Variants in ITGA4 observed in about 807,000 individuals in gnomAD.
ITGA4 encodes the protein integrin subunit alpha 4, also known as integrin alpha-4.
Under a neutral mutation model 133.6 loss-of-function variants are expected in ITGA4, and 63 were observed. The ratio of observed to expected loss-of-function variants is 0.47; its 90% confidence interval spans 0.38 to 0.58. The LOEUF (loss-of-function observed/expected upper bound fraction) is 0.58, where lower values mean the gene tolerates loss of function less well. ITGA4 is among the 20% of genes least tolerant of loss of function. The pLI, the probability that ITGA4 is intolerant of heterozygous loss-of-function variation, is 0.00. For synonymous variants in ITGA4, 483 were observed against 438.0 expected (o/e 1.10, Z -1.28); for missense variants, 1,076 against 1,252.7 (o/e 0.86, Z 2.13).
chr2:181,506,191 T>C (rs1004500201), intron 15 of ITGA4, among the ~76,000 whole-genome samples: 4 of 152,138 alleles, frequency 2.6e-5, no homozygotes, highest in African/African-American at 9.6e-5. Context: ...ATGTTGATGG[T>C]TGGCAGTAGT....
chr2:181,464,499 T>C (rs1305957804), intron 2 of ITGA4, among the ~76,000 whole-genome samples: 1 of 152,070 alleles, frequency 6.6e-6, no homozygotes, highest in Non-Finnish European at 1.5e-5. Context: ...GACAATTAAT[T>C]ATGAGATAAT....
chr2:181,459,650 A>G (rs1187223583), intron 2 of ITGA4, among the ~76,000 whole-genome samples: 1 of 152,226 alleles, frequency 6.6e-6, no homozygotes, highest in East Asian at 1.9e-4. Flanking sequence ...AGGAATGCAT[A>G]AAACATTCAC....
At chr2:181,459,299 G>A (rs1223270867) in intron 2 of ITGA4, 2 of 116,130 alleles carry the variant, frequency 1.7e-5, no homozygotes, top group Non-Finnish European at 3.7e-5. Context: ...TATCTTCAAT[G>A]CAAATAAAAT....
At chr2:181,468,874 G>A (rs1250209231) in intron 2 of ITGA4, among the ~76,000 whole-genome samples, 2 of 152,134 alleles carry the variant, frequency 1.3e-5, no homozygotes, top group South Asian at 2.1e-4. Context: ...TTCAACTGTG[G>A]AAAGAATTAG....
At chr2:181,484,165 C>T (rs140516972) in intron 9 of ITGA4, among the ~76,000 whole-genome samples, 33 of 152,172 alleles carry the variant, frequency 2.2e-4, no homozygotes, top group African/African-American at 7.5e-4. Context: ...GTATAGATGC[C>T]TTGTGGAGAG....
At chr2:181,466,781 T>C (rs1574376456) in intron 2 of ITGA4, among the ~76,000 whole-genome samples, 1 of 152,148 alleles carries the variant, frequency 6.6e-6, no homozygotes, top group Non-Finnish European at 1.5e-5. Context: ...GCCATTTTAA[T>C]TAAAAAGCTA....
intron 2 of ITGA4, among the ~76,000 whole-genome samples, chr2:181,463,952 C>CT (rs1685350953): frequency 6.6e-6 from 1 of 152,082 alleles, no homozygotes; most frequent in South Asian, 2.1e-4. Flanking sequence ...TCATGCAGAG[C>CT]TTTTAACAGT....
intron 4 of ITGA4, chr2:181,475,784 T>C (rs1232214434): frequency 6.3e-7 from 1 of 1,578,422 alleles, no homozygotes; most frequent in East Asian, 2.3e-5. Context: ...TGTCTTGAGT[T>C]TGAAACATTT....
At chr2:181,507,310 T>G (rs1219577690) in intron 15 of ITGA4, among the ~76,000 whole-genome samples, 1 of 152,130 alleles carries the variant, frequency 6.6e-6, no homozygotes, top group Non-Finnish European at 1.5e-5. Flanking sequence ...TAAATCTTAT[T>G]TTATAGATTT....
At chr2:181,494,865 T>G in intron 12 of ITGA4, 53 bp downstream of exon 12, 1 of 917,232 alleles carries the variant, frequency 1.1e-6, no homozygotes, top group Non-Finnish European at 1.8e-6. Context: ...CTATCATAGA[T>G]ACTGCTTTAT....
At position 181,515,494 on chromosome 2, in the gene ITGA4, A is replaced by G. The variant is rs553415892; in HGVS notation, c.1922+3719A>G. 4.3e-4 allele frequency among the ~76,000 whole-genome samples: 65 copies of G among 152,224 alleles called. 1 individual carries two copies. The highest frequency in any genetic ancestry group is 1.2e-3 in the African/African-American group (50 of 41,554). On this transcript the variant is annotated intron_variant, in intron 17 of 27. Coordinates refer to ENST00000397033, the MANE Select transcript of ITGA4 (RefSeq NM_000885.6). ...TTGCCAATTCTATACATAATTCTGCATATAAGCTTTATATCCTGAAAATAT... is the reference window on the plus strand; with the variant it reads ...TTGCCAATTCTATACATAATTCTGCGTATAAGCTTTATATCCTGAAAATAT...
rs1343488229 is a variant in ITGA4 at position 181,537,647 on chromosome 2, A to G, written c.*2120A>G. 1 of 434,738 alleles carries G rather than the reference A, an allele frequency of 2.3e-6. No individual in the cohort carries two copies. Among genetic ancestry groups the G allele is most frequent in the South Asian group, 1.7e-5 (1 of 59,672 alleles). The allele number at this position is 434,738 out of a possible 1,614,324, so 26.9% of individuals were successfully genotyped here. On this transcript the variant is annotated 3_prime_UTR_variant, in exon 28 of 28. Transcript: ENST00000397033. ...TGATGAGCTCAAATCCTGAAAAATGAAAGAATCCAAATTATTTCAGAATTA... is the reference window on the plus strand; with the variant it reads ...TGATGAGCTCAAATCCTGAAAAATGGAAGAATCCAAATTATTTCAGAATTA...
chr2:181,523,505 C>CTA lies in ITGA4; in HGVS notation c.2150_2151dup (p.Val718MetfsTer2). The stretch of plus-strand genomic sequence containing the variant: ...TGGTACAACTTGACTGCAGTATTGG[C>CTA]TATATATATGTAGATCATCTCTCAA... On this transcript the variant is annotated frameshift_variant, in exon 19 of 28. Transcript: ENST00000397033. LOFTEE classifies it high-confidence loss of function. This position sits in a 1 kb window ranked among gnomAD's most constrained non-coding sequence, Gnocchi z 4.2. The CTA allele has an allele frequency of 6.3e-7, 1 of 1,596,652 alleles. No individual in the cohort carries two copies. Among genetic ancestry groups the CTA allele is most frequent in the Non-Finnish European group, 8.6e-7 (1 of 1,164,472 alleles).
chr2:181,493,170 G>A (rs1218457060), intron 10 of ITGA4, 155 bp from the exon 11 acceptor site: 3 of 583,514 alleles, frequency 5.1e-6, no homozygotes, highest in Non-Finnish European at 9.1e-6. Context: ...ATATGATGAT[G>A]ATAGTATTTT....
intron 2 of ITGA4, among the ~76,000 whole-genome samples, chr2:181,464,438 G>GT (rs1463608539): frequency 6.6e-6 from 1 of 152,078 alleles, no homozygotes; most frequent in Non-Finnish European, 1.5e-5. Flanking sequence ...ATAAGGCATG[G>GT]TTAAAGCCCT....
chr2:181,506,198 T>C (rs1015849663), intron 15 of ITGA4, among the ~76,000 whole-genome samples: 22 of 152,102 alleles, frequency 1.4e-4, no homozygotes, highest in Middle Eastern at 6.3e-3. Flanking sequence ...TGGTTGGCAG[T>C]AGTAGTTCAG....
intron 4 of ITGA4, among the ~76,000 whole-genome samples, chr2:181,477,871 C>T (rs997869648): frequency 5.3e-5 from 8 of 151,902 alleles, no homozygotes; most frequent in Non-Finnish European, 1.2e-4. Context: ...GAAATCAGTA[C>T]CACATAAAGA....
intron 10 of ITGA4, 34 bp from the exon 11 acceptor site, chr2:181,493,291 A>T: frequency 6.9e-7 from 1 of 1,445,216 alleles, no homozygotes; most frequent in Non-Finnish European, 9.7e-7. Flanking sequence ...TTGTATCAAG[A>T]ATTTATTTTT....
rs770966025 is a variant in ITGA4 at position 181,523,191 on chromosome 2, CAT to C, written c.2074-238_2074-237del. 4 of 297,114 alleles carry C rather than the reference CAT, an allele frequency of 1.3e-5. No individual in the cohort carries two copies. Among genetic ancestry groups the C allele is most frequent in the African/African-American group, 6.4e-5 (3 of 47,114 alleles). 18.4% of individuals were successfully genotyped at this position (297,114 alleles called of 1,614,324 possible). A position where few individuals can be genotyped will look rare whatever the true frequency, so the allele number is the denominator to read the frequency against. ...ATATACACACACACATACACATACACATATATATACACACACATATATACACA... is the reference window on the plus strand; with the variant it reads ...ATATACACACACACATACACATACACATATATACACACACATATATACACA... On this transcript the variant is annotated intron_variant, in intron 18 of 27. Transcript: ENST00000397033. The surrounding 1 kb of genome is among the most constrained non-coding windows in gnomAD (Gnocchi z 4.2).
Sources: allele counts gnomAD v4.1 joint callset (sites outside exome capture counted in the v4.1 genomes callset), GRCh38; gene constraint gnomAD v4.1.1; non-coding constraint Gnocchi (gnomAD v3.1); transcripts MANE v1.5; gene names NCBI Gene and HGNC (gene_info 2026-07-23, HGNC 2026-07-21).